GABRB2: variants seen among roughly 807,000 people sequenced by gnomAD.
GABRB2 encodes gamma-aminobutyric acid type A receptor subunit beta2, also known as gamma-aminobutyric acid receptor subunit beta-2.
GABRB2 carries 16 observed loss-of-function variants against 54.7 expected under a neutral mutation model. The ratio of observed to expected loss-of-function variants is 0.29; its 90% confidence interval spans 0.20 to 0.44. The LOEUF is 0.44. GABRB2 is among the 20% of genes least tolerant of loss of function. The pLI, the probability that GABRB2 is intolerant of heterozygous loss-of-function variation, is 1.00. For synonymous variants in GABRB2, 244 were observed against 233.8 expected, an observed-to-expected ratio of 1.04 and a Z score of -0.40; for missense variants, 355 against 644.0, an observed-to-expected ratio of 0.55 and a Z score of 4.86.
At chr5:161,429,299 TCG>T (rs1757102437) in intron 4 of GABRB2, among the ~76,000 whole-genome samples, 1 of 119,996 alleles carries the variant, frequency 8.3e-6, no homozygotes. Flanking sequence ...TGAGCTGAGA[TCG>T]CACCACTGCA....
chr5:161,533,258 A>T (rs1760521834), intron 3 of GABRB2, among the ~76,000 whole-genome samples: 1 of 152,162 alleles, frequency 6.6e-6, no homozygotes, highest in South Asian at 2.1e-4. Context: ...ATTATAAACC[A>T]ATTTGTCTCC....
At chr5:161,420,676 G>A (rs1756822710) in intron 4 of GABRB2, among the ~76,000 whole-genome samples, 1 of 152,200 alleles carries the variant, frequency 6.6e-6, no homozygotes, top group African/African-American at 2.4e-5. Flanking sequence ...AGAGCGGGTG[G>A]CAACCTGGGG....
upstream of GABRB2, chr5:161,546,922 T>C (rs1581075979): frequency 4.4e-6 from 2 of 457,826 alleles, no homozygotes; most frequent in East Asian, 5.0e-5. Flanking sequence ...ATTTTTGTTG[T>C]TATCCTTTCG....
At chr5:161,314,587 A>G (rs1287940509) in intron 9 of GABRB2, among the ~76,000 whole-genome samples, 1 of 152,202 alleles carries the variant, frequency 6.6e-6, no homozygotes, top group African/African-American at 2.4e-5. Flanking sequence ...TGACAAAATA[A>G]TTGAATATAA....
chr5:161,523,591 G>A (rs995343309), intron 3 of GABRB2, among the ~76,000 whole-genome samples: 3 of 151,500 alleles, frequency 2.0e-5, no homozygotes, highest in Non-Finnish European at 4.4e-5. Flanking sequence ...CCTCATTTAT[G>A]TACAATCTGG....
intron 3 of GABRB2, among the ~76,000 whole-genome samples, chr5:161,532,836 A>C (rs1561684538): frequency 6.6e-6 from 1 of 152,086 alleles, no homozygotes; most frequent in East Asian, 1.9e-4. Flanking sequence ...TACTCCTCCA[A>C]CAAATTCATT....
At chr5:161,507,829 C>T (rs576974086) in intron 3 of GABRB2, among the ~76,000 whole-genome samples, 21 of 152,112 alleles carry the variant, frequency 1.4e-4, no homozygotes, top group East Asian at 1.9e-4. Context: ...ACTAGAATGG[C>T]TAAATTTATA....
At chr5:161,521,448 GA>G (rs904767077) in intron 3 of GABRB2, among the ~76,000 whole-genome samples, 8 of 150,804 alleles carry the variant, frequency 5.3e-5, no homozygotes, top group African/African-American at 1.7e-4. Flanking sequence ...GTTTATTTTC[GA>G]AAAAAAAGAA....
intron 3 of GABRB2, among the ~76,000 whole-genome samples, chr5:161,542,632 C>A (rs1273893378): frequency 1.3e-5 from 2 of 152,146 alleles, no homozygotes; most frequent in African/African-American, 4.8e-5. Flanking sequence ...TTGTCCAGTA[C>A]AAATGAGTCA....
intron 3 of GABRB2, among the ~76,000 whole-genome samples, chr5:161,494,930 A>G (rs1759186872): frequency 6.6e-6 from 1 of 151,898 alleles, no homozygotes; most frequent in Non-Finnish European, 1.5e-5. Flanking sequence ...TTTAAAATAT[A>G]AGCCTATATA....
rs150461217 is a variant in GABRB2, at chr5:161,409,086, G to A, written c.541+1889C>T. Among the ~76,000 whole-genome samples the A allele has an allele frequency of 1.2e-4, 19 of 152,034 alleles. No individual in the cohort carries two copies. In the East Asian group the frequency reaches 3.7e-3, roughly 29 times the overall value. ...TGAATAAGCCCCAATTTTCCATAAG[G>A]CCAGGCTATTTCTTGCTTTTTAGAC... On this transcript the variant is annotated intron_variant, in intron 5 of 9. Coordinates refer to ENST00000393959, the MANE Select transcript of GABRB2 (RefSeq NM_001371727.1).
intron 5 of GABRB2, among the ~76,000 whole-genome samples, chr5:161,389,913 T>G (rs1005270291): frequency 7.9e-5 from 12 of 151,852 alleles, no homozygotes; most frequent in Non-Finnish European, 1.3e-4. Flanking sequence ...TTACCTAAAT[T>G]TTTCATGAGT....
intron 5 of GABRB2, among the ~76,000 whole-genome samples, chr5:161,365,972 T>C (rs1375860150): frequency 6.6e-6 from 1 of 151,690 alleles, no homozygotes; most frequent in Non-Finnish European, 1.5e-5. Flanking sequence ...GGGGTTATAC[T>C]TAGGTGAGCC....
chr5:161,424,475 C>T (rs2113154988), intron 4 of GABRB2, among the ~76,000 whole-genome samples: 1 of 152,214 alleles, frequency 6.6e-6, no homozygotes. Flanking sequence ...ATCTGCTTTG[C>T]CTGTGCTCTG....
chr5:161,477,666 T>C (rs2113316398), intron 3 of GABRB2, among the ~76,000 whole-genome samples: 1 of 152,048 alleles, frequency 6.6e-6, no homozygotes, highest in East Asian at 1.9e-4. Flanking sequence ...ATGACATGGA[T>C]GAACATTGAC....
chr5:161,298,473 A>C (rs1461683655), intron 9 of GABRB2, among the ~76,000 whole-genome samples: 2 of 152,244 alleles, frequency 1.3e-5, no homozygotes, highest in African/African-American at 4.8e-5. Flanking sequence ...GGCACCTGGC[A>C]CATAGCAGAT....
chr5:161,519,089 A>G (rs1022417114), intron 3 of GABRB2, among the ~76,000 whole-genome samples: 2 of 152,148 alleles, frequency 1.3e-5, no homozygotes, highest in African/African-American at 4.8e-5. Context: ...AGAGGCTGTA[A>G]AGAAAGGTTA....
rs1757290074 is a variant in GABRB2, at chr5:161,293,483, C to G, written c.*598G>C. ...GACATCATAGTTGATTCTCCGTGCT[C>G]AAGCAAAGGGACTGGCCAAATCGGT... On this transcript the variant is annotated 3_prime_UTR_variant, in exon 10 of 10. Coordinates refer to ENST00000393959, the MANE Select transcript of GABRB2 (RefSeq NM_001371727.1). The G allele has an allele frequency of 6.6e-6, 1 of 152,282 alleles. No homozygotes were observed. The highest frequency in any genetic ancestry group is 1.5e-5 in the Non-Finnish European group (1 of 68,118). The allele number at this position is 152,282 out of a possible 1,614,324, so 9.4% of individuals were successfully genotyped here.
intron 4 of GABRB2, among the ~76,000 whole-genome samples, chr5:161,421,346 C>T (rs569358088): frequency 2.0e-5 from 3 of 152,144 alleles, no homozygotes; most frequent in Non-Finnish European, 4.4e-5. Flanking sequence ...GCCATTAGAG[C>T]GACCCCCAGA....
Sources: gnomAD v4.1 joint callset for allele counts (sites outside exome capture counted in the v4.1 genomes callset) on GRCh38, gnomAD v4.1.1 for gene constraint, MANE v1.5 for transcripts, NCBI Gene and HGNC (gene_info 2026-07-23, HGNC 2026-07-21) for gene names.